MAPDA: variants seen among roughly 807,000 people sequenced by gnomAD.
MAPDA encodes the protein N6,N6-dimethyl-AMP deaminase.
the MAPDA span, among the ~76,000 whole-genome samples, chr15:43,348,539 C>T: frequency 5.3e-5 from 8 of 152,070 alleles, no homozygotes; most frequent in African/African-American, 1.9e-4. Flanking sequence ...ATGTCTATAA[C>T]GGAACACACA....
At chr15:43,346,865 C>G in the MAPDA span, 1 of 623,280 alleles carries the variant, frequency 1.6e-6, no homozygotes, top group Non-Finnish European at 2.8e-6. Flanking sequence ...AAGTGGCTCG[C>G]ACATTGTAGG....
the MAPDA span, chr15:43,330,555 C>G: frequency 5.3e-5 from 78 of 1,481,052 alleles, no homozygotes; most frequent in African/African-American, 9.5e-4. Flanking sequence ...TAGCACACAC[C>G]TCACGGACCT....
At chr15:43,340,162 C>A in the MAPDA span, 1 of 1,023,128 alleles carries the variant, frequency 9.8e-7, no homozygotes, top group Non-Finnish European at 1.4e-6. Context: ...ACATTACTTG[C>A]AAATCAGATT....
At chr15:43,345,214 C>T in the MAPDA span, among the ~76,000 whole-genome samples, 3 of 151,848 alleles carry the variant, frequency 2.0e-5, no homozygotes, top group East Asian at 1.9e-4. Flanking sequence ...ATTAGCCGGG[C>T]GTGGTGGCAC....
the MAPDA span, among the ~76,000 whole-genome samples, chr15:43,338,288 T>A: frequency 4.7e-4 from 72 of 152,320 alleles, 2 homozygotes; most frequent in South Asian, 7.3e-3. Context: ...AGATTGTAAA[T>A]GTAGAACTGA....
the MAPDA span, chr15:43,349,047 T>C: frequency 6.2e-7 from 1 of 1,614,160 alleles, no homozygotes. Flanking sequence ...TACCACTGGG[T>C]AAGGCTTGGA....
At chr15:43,340,352 GGTA>G in the MAPDA span, 1 of 1,611,892 alleles carries the variant, frequency 6.2e-7, no homozygotes, top group Non-Finnish European at 8.5e-7. Flanking sequence ...AAATGCTACT[GGTA>G]GAATTTATAC....
chr15:43,335,926 AG>A, the MAPDA span: 11 of 1,450,736 alleles, frequency 7.6e-6, no homozygotes, highest in East Asian at 2.5e-4. Context: ...AAACAGAAAT[AG>A]GGTTGGCATG....
the MAPDA span, among the ~76,000 whole-genome samples, chr15:43,347,347 G>A: frequency 1.3e-5 from 2 of 152,124 alleles, no homozygotes; most frequent in Non-Finnish European, 2.9e-5. Context: ...GCAGTTTAAT[G>A]ACGTCTTGCT....
At chr15:43,333,439 G>A in the MAPDA span, 1 of 151,528 alleles carries the variant, frequency 6.6e-6, no homozygotes, top group East Asian at 1.9e-4. Context: ...AAAAAGGTAT[G>A]TTTTTCCATT....
the MAPDA span, among the ~76,000 whole-genome samples, chr15:43,345,237 C>G: frequency 6.6e-6 from 1 of 151,764 alleles, no homozygotes; most frequent in Non-Finnish European, 1.5e-5. Context: ...GCCTATAACC[C>G]CAGCTACTCG....
At chr15:43,349,296 T>A in the MAPDA span, 1 of 1,202,112 alleles carries the variant, frequency 8.3e-7, no homozygotes, top group Non-Finnish European at 1.0e-6. Flanking sequence ...TGGAACTCAA[T>A]AAGAATTTTT....
the MAPDA span, among the ~76,000 whole-genome samples, chr15:43,334,111 G>A: frequency 1.3e-5 from 2 of 151,408 alleles, no homozygotes; most frequent in Non-Finnish European, 2.9e-5. Flanking sequence ...ACTGGCTCAT[G>A]TGGGAACATA....
the MAPDA span, among the ~76,000 whole-genome samples, chr15:43,343,946 T>C: frequency 6.6e-6 from 1 of 151,666 alleles, no homozygotes; most frequent in Non-Finnish European, 1.5e-5. Flanking sequence ...GGTAGACATA[T>C]AGAAATACAG....
At chr15:43,342,065 C>T in the MAPDA span, among the ~76,000 whole-genome samples, 2 of 152,134 alleles carry the variant, frequency 1.3e-5, no homozygotes, top group African/African-American at 4.8e-5. Context: ...TCTCGAACTC[C>T]TGACCTCAGG....
the MAPDA span, chr15:43,330,762 C>T: frequency 2.6e-6 from 1 of 385,088 alleles, no homozygotes; most frequent in Non-Finnish European, 4.7e-6. Flanking sequence ...ACCGCTGTGA[C>T]ATGAGTGTTA....
chr15:43,339,547 C>T, the MAPDA span, among the ~76,000 whole-genome samples: 1 of 152,120 alleles, frequency 6.6e-6, no homozygotes, highest in Non-Finnish European at 1.5e-5. Flanking sequence ...ATTAGGATAC[C>T]AACTGTAAGG....
chr15:43,345,966 A>G, the MAPDA span: 4 of 1,614,010 alleles, frequency 2.5e-6, no homozygotes, highest in Admixed American at 6.7e-5. Context: ...CCTTGACCTC[A>G]GTGGAGACCC....
chr15:43,340,340 G>A, the MAPDA span: 2 of 1,613,354 alleles, frequency 1.2e-6, no homozygotes, highest in Non-Finnish European at 1.7e-6. Flanking sequence ...ACCCAGAAGA[G>A]AAAATGCTAC....
Sources: gnomAD v4.1 joint callset for allele counts (sites outside exome capture counted in the v4.1 genomes callset) on GRCh38, gnomAD v4.1.1 for gene constraint, MANE v1.5 for transcripts, NCBI Gene and HGNC (gene_info 2026-07-23, HGNC 2026-07-21) for gene names.